Variants in ZC2HC1C observed in about 807,000 individuals in gnomAD.
ZC2HC1C encodes zinc finger C2HC-type containing 1C.
In ZC2HC1C, 25 loss-of-function variants were observed where a neutral mutation model predicts 39.2. That is an observed-to-expected ratio of 0.64 (90% CI 0.47 to 0.89). ZC2HC1C has a LOEUF of 0.89. Among genes scored for constraint, ZC2HC1C ranks in the 40% least tolerant of loss-of-function variants. The pLI is 0.00. For synonymous variants in ZC2HC1C, 209 were observed against 214.4 expected, an observed-to-expected ratio of 0.97 and a Z score of 0.22; for missense variants, 519 against 548.6, an observed-to-expected ratio of 0.95 and a Z score of 0.54.
Position 75,077,582 on chromosome 14 carries a change from C to T in ZC2HC1C, c.*18C>T. On this transcript the variant is annotated 3_prime_UTR_variant, in exon 3 of 3. Transcript: ENST00000524913. The stretch of plus-strand genomic sequence containing the variant: ...GGAGATAGAAGCATGAATCTTTTAT[C>T]CATACGTTCCGCCAGGCTCGAGAGG... 6.2e-7 allele frequency: 1 copy of T among 1,614,116 alleles called. No homozygotes were observed. Among genetic ancestry groups the T allele is most frequent in the African/African-American group, 1.3e-5 (1 of 75,028 alleles).
chr14:75,074,732 C>T (rs148008603), intron 2 of ZC2HC1C, among the ~76,000 whole-genome samples: 37 of 152,144 alleles, frequency 2.4e-4, no homozygotes, highest in Admixed American at 7.2e-4. Flanking sequence ...CCACCACGCC[C>T]GGCTAATTTT....
intron 2 of ZC2HC1C, among the ~76,000 whole-genome samples, chr14:75,077,262 C>T (rs1453374291): frequency 6.6e-6 from 1 of 152,104 alleles, no homozygotes; most frequent in Non-Finnish European, 1.5e-5. Context: ...GTTTTCAGTC[C>T]TGTACCTCCT....
rs533535996 is a variant in ZC2HC1C, at chr14:75,072,863, G to A, written c.1338+952G>A. On this transcript the variant is annotated intron_variant, in intron 2 of 2. Coordinates refer to ENST00000524913, the MANE Select transcript of ZC2HC1C (RefSeq NM_024643.4). ...ATATATTAAGCCCCTGATTTCCAGG[G>A]ATCATGAATTTACAGAAAAATATTA... is the stretch of plus-strand genomic sequence containing the variant. 2.0e-5 allele frequency among the ~76,000 whole-genome samples: 3 copies of A among 152,236 alleles called. No individual in the cohort carries two copies. In the East Asian group the frequency reaches 5.8e-4, roughly 29 times the overall value.
Position 75,079,215 on chromosome 14 carries a change from C to CAAAAA in ZC2HC1C, c.*1667_*1671dup, listed in dbSNP as rs66560922. 30 of 85,182 alleles carry CAAAAA rather than the reference C, an allele frequency of 3.5e-4. No individual in the cohort carries two copies. The highest frequency in any genetic ancestry group is 5.6e-4 in the Admixed American group (4 of 7,146). The allele number at this position is 85,182 out of a possible 1,614,324, so 5.3% of individuals were successfully genotyped here. On this transcript the variant is annotated 3_prime_UTR_variant, in exon 3 of 3. Coordinates refer to ENST00000524913, the MANE Select transcript of ZC2HC1C (RefSeq NM_024643.4). Reference sequence around the variant, plus strand: ...CTGGTGACCTAGTGAGACTCCATCTCAAAAAAAAAAAAAAAAAAAAGAAAA... The same window carrying CAAAAA: ...CTGGTGACCTAGTGAGACTCCATCTCAAAAAAAAAAAAAAAAAAAAAAAAAGAAAA...
intron 2 of ZC2HC1C, among the ~76,000 whole-genome samples, chr14:75,074,670 C>A (rs528587949): frequency 6.6e-6 from 1 of 152,154 alleles, no homozygotes; most frequent in South Asian, 2.1e-4. Context: ...CTCCCGTGTT[C>A]AAGCAATTAT....
Position 75,071,207 on chromosome 14 carries a change from C to T in ZC2HC1C, c.634C>T (p.Gln212Ter). The T allele has an allele frequency of 6.2e-7, 1 of 1,614,146 alleles. No individual in the cohort carries two copies. The highest frequency in any genetic ancestry group is 2.2e-5 in the East Asian group (1 of 44,882). ...AAACTTTGACAGGACGGAGTGGGTG[C>T]AGATCCGAAGACTAGAAGCTGCAGG... The part of the protein sequence containing the change: ...VANFDRTEWV[Q>*]IRRLEAAGES... The change falls in exon 2 of 3, where the codon CAG becomes TAG. Residue 212 changes from glutamine to a stop codon, truncating the protein, a stop_gained. Transcript: ENST00000524913. LOFTEE classifies it high-confidence loss of function.
In ZC2HC1C at chr14:75,071,910, A is replaced by C. The variant is rs1306559910; in HGVS notation, c.1337A>C (p.Lys446Thr). ...AACTGGAAGGGGCCAGCTTCAGCCA[A>C]GGTAACAAGAGCCTTATGGATGTGA... ...YLNWKGPASA[K>T]AEPPQKSNWR The change falls in exon 2 of 3, where the codon AAG (lysine) becomes ACG (threonine). Residue 446 changes from lysine (K) to threonine (T), a missense_variant and splice_region_variant. Coordinates refer to ENST00000524913, the MANE Select transcript of ZC2HC1C (RefSeq NM_024643.4). 1 of 1,582,114 alleles carries C rather than the reference A, an allele frequency of 6.3e-7. No individual in the cohort carries two copies. The highest frequency in any genetic ancestry group is 2.2e-5 in the East Asian group (1 of 44,672).
chr14:75,072,382 C>A, intron 2 of ZC2HC1C, among the ~76,000 whole-genome samples: 1 of 152,348 alleles, frequency 6.6e-6, no homozygotes, highest in East Asian at 1.9e-4. Context: ...AGACTAGGAT[C>A]TGTGACCATT....
Position 75,071,078 on chromosome 14 carries a change from G to C in ZC2HC1C, c.505G>C (p.Glu169Gln). 6.2e-7 allele frequency: 1 copy of C among 1,614,186 alleles called. No homozygotes were observed. The highest frequency in any genetic ancestry group is 8.5e-7 in the Non-Finnish European group (1 of 1,180,032). ...GDHNVYPRPPEPREFSSRNFG... is the reference protein window; with the variant it reads ...GDHNVYPRPPQPREFSSRNFG... Reference sequence around the variant, plus strand: ...CCATAATGTCTACCCAAGGCCCCCTGAGCCGAGAGAGTTTTCATCTAGGAA... The same window carrying C: ...CCATAATGTCTACCCAAGGCCCCCTCAGCCGAGAGAGTTTTCATCTAGGAA... The change falls in exon 2 of 3, where the codon GAG becomes CAG. Residue 169 changes from glutamate (E) to glutamine (Q), a missense_variant. Physicochemically the swap from Glu to Gln is conservative, Grantham distance 29. Coordinates refer to ENST00000524913, the MANE Select transcript of ZC2HC1C (RefSeq NM_024643.4).
chr14:75,073,570 G>T, intron 2 of ZC2HC1C: 1 of 1,289,242 alleles, frequency 7.8e-7, no homozygotes, highest in Non-Finnish European at 1.0e-6. Context: ...TTATTCCACA[G>T]TGCTGTGCCT....
Position 75,070,906 on chromosome 14 carries a change from A to G in ZC2HC1C, c.333A>G (p.Ser111=). ...QGQGNGLFYS[S]GPQSWYPKAN... The stretch of plus-strand genomic sequence containing the variant: ...AAGGAAATGGTTTGTTTTACTCGTC[A>G]GGCCCTCAATCCTGGTATCCCAAAG... Residue 111 remains serine (S), a synonymous_variant, in exon 2 of 3, where the codon TCA becomes TCG. Transcript: ENST00000524913. The G allele has an allele frequency of 6.2e-7, 1 of 1,614,208 alleles. No individual in the cohort carries two copies. The highest frequency in any genetic ancestry group is 8.5e-7 in the Non-Finnish European group (1 of 1,180,030).
At position 75,071,495 on chromosome 14, in the gene ZC2HC1C, C is replaced by T. The variant is rs200485258; in HGVS notation, c.922C>T (p.Arg308Trp). The T allele has an allele frequency of 6.4e-5, 103 of 1,614,066 alleles. No homozygotes were observed. The Middle Eastern group carries it at 8.2e-4, about 13-fold the overall frequency. Residue 308 changes from arginine to tryptophan, a missense_variant, in exon 2 of 3, where the codon CGG becomes TGG. Transcript: ENST00000524913. The stretch of plus-strand genomic sequence containing the variant: ...CAGGAGAGAGGATGAAACTTGGGGA[C>T]GGTCTCAACAAAATTCAGGTCCATT... Reference protein sequence around the residue: ...RDRREDETWGRSQQNSGPFQF... With the variant: ...RDRREDETWGWSQQNSGPFQF...
At chr14:75,077,491 A>T (rs1427890333) in intron 2 of ZC2HC1C, 41 bp from the exon 3 acceptor site, 1 of 1,613,278 alleles carries the variant, frequency 6.2e-7, no homozygotes, top group South Asian at 1.1e-5. Context: ...GGAAGGAGAT[A>T]GGTGCCAACT....
At chr14:75,077,501 T>C (rs1424453851) in intron 2 of ZC2HC1C, 31 bp from the exon 3 acceptor site, 2 of 1,614,028 alleles carry the variant, frequency 1.2e-6, no homozygotes, top group Non-Finnish European at 1.7e-6. Context: ...AGGTGCCAAC[T>C]TGAATGATCA....
chr14:75,072,173 AGT>A (rs1893458690), intron 2 of ZC2HC1C, among the ~76,000 whole-genome samples: 1 of 152,244 alleles, frequency 6.6e-6, no homozygotes, highest in African/African-American at 2.4e-5. Flanking sequence ...AACAGCTTTA[AGT>A]GGCAGAGTCG....
Position 75,069,717 on chromosome 14 carries a change from T to A in ZC2HC1C, c.-52T>A, listed in dbSNP as rs1361879233. 1 of 159,140 alleles carries A rather than the reference T, an allele frequency of 6.3e-6. No homozygotes were observed. The highest frequency in any genetic ancestry group is 2.4e-5 in the African/African-American group (1 of 41,666). The allele number at this position is 159,140 out of a possible 1,614,324, so 9.9% of individuals were successfully genotyped here. A position where few individuals can be genotyped will look rare whatever the true frequency, so the allele number is the denominator to read the frequency against. On this transcript the variant is annotated 5_prime_UTR_variant, in exon 1 of 3. Transcript: ENST00000524913. ...TCTGGGAAACTAGGCCCTGGGGTTT[T>A]CCCTGAGCAGGAGCGGTGCCCGAGG...
intron 2 of ZC2HC1C, among the ~76,000 whole-genome samples, chr14:75,076,462 A>G (rs1566630947): frequency 6.6e-6 from 1 of 151,828 alleles, no homozygotes; most frequent in African/African-American, 2.4e-5. Context: ...TAGAGATGGG[A>G]TTTCACCGTC....
intron 2 of ZC2HC1C, among the ~76,000 whole-genome samples, chr14:75,073,821 T>C (rs1257013510): frequency 1.3e-5 from 2 of 152,190 alleles, no homozygotes; most frequent in Non-Finnish European, 2.9e-5. Flanking sequence ...GTATAAGAAG[T>C]AAATTACTAA....
chr14:75,077,633 A>T lies in ZC2HC1C; in HGVS notation c.*69A>T. 6.3e-7 allele frequency: 1 copy of T among 1,596,954 alleles called. No homozygotes were observed. The highest frequency in any genetic ancestry group is 8.6e-7 in the Non-Finnish European group (1 of 1,166,110). On this transcript the variant is annotated 3_prime_UTR_variant, in exon 3 of 3. Transcript: ENST00000524913. ...TCCAGCAGGTAACTGCCAAAGGTGG[A>T]AACTGTTCACACTTGCCTCCCATCC...
Sources: gnomAD v4.1 joint callset for allele counts (sites outside exome capture counted in the v4.1 genomes callset) on GRCh38, gnomAD v4.1.1 for gene constraint, MANE v1.5 for transcripts, NCBI Gene and HGNC (gene_info 2026-07-23, HGNC 2026-07-21) for gene names.